The following SLC4A10 variants were observed in gnomAD, a reference collection of about 807,000 sequenced individuals.
The protein encoded by SLC4A10 is solute carrier family 4 member 10.
SLC4A10 carries 42 observed loss-of-function variants against 137.7 expected under a neutral mutation model. The observed-to-expected ratio is 0.30, with a 90% CI of 0.24 to 0.39. The LOEUF (loss-of-function observed/expected upper bound fraction) is 0.39. SLC4A10 is among the 10% of genes least tolerant of loss of function. The pLI, the probability that SLC4A10 is intolerant of heterozygous loss-of-function variation, is 1.00. For synonymous variants in SLC4A10, 474 were observed against 464.1 expected, an observed-to-expected ratio of 1.02 and a Z score of -0.27; for missense variants, 925 against 1,355.0, an observed-to-expected ratio of 0.68 and a Z score of 4.98.
chr2:161,764,838 T>C (rs995479856), intron 1 of SLC4A10, among the ~76,000 whole-genome samples: 1 of 152,120 alleles, frequency 6.6e-6, no homozygotes, highest in African/African-American at 2.4e-5. Context: ...ATTTGCTTAG[T>C]AAAATGTAAC....
Position 161,854,961 on chromosome 2 carries a change from T to G in SLC4A10, c.417-9T>G, listed in dbSNP as rs1389295739. 1 of 1,608,248 alleles carries G rather than the reference T, an allele frequency of 6.2e-7. No individual in the cohort carries two copies. Among genetic ancestry groups the G allele is most frequent in the Non-Finnish European group, 8.5e-7 (1 of 1,177,460 alleles). On this transcript the variant is annotated splice_polypyrimidine_tract_variant and intron_variant, in intron 4 of 26. Transcript: ENST00000446997. The stretch of plus-strand genomic sequence containing the variant: ...ATATAAACTGTGCTGATAATATTTG[T>G]TTGTATAGGTGGTTGAAGTTTGAAG...
rs143757968 is a variant in SLC4A10 at position 161,875,148 on chromosome 2, G to T, written c.948+1143G>T. Among the ~76,000 whole-genome samples, 62 of 152,266 alleles carry T rather than the reference G, an allele frequency of 4.1e-4. 2 individuals are homozygous for T. In the East Asian group the frequency reaches 0.012, roughly 29 times the overall value. Reference sequence around the variant, plus strand: ...ACTAAGTAAGATTTTTTACTTTAAAGTCTGAGAGGGCAGAAAAGTAGAGTT... The same window carrying T: ...ACTAAGTAAGATTTTTTACTTTAAATTCTGAGAGGGCAGAAAAGTAGAGTT... On this transcript the variant is annotated intron_variant, in intron 8 of 26. Transcript: ENST00000446997.
intron 1 of SLC4A10, among the ~76,000 whole-genome samples, chr2:161,682,339 T>C (rs551161047): frequency 4.6e-4 from 70 of 152,184 alleles, no homozygotes; most frequent in Non-Finnish European, 7.8e-4. Flanking sequence ...TTGGTTCCAG[T>C]GTGTCATCAA....
chr2:161,644,730 T>C (rs2035792945), intron 1 of SLC4A10, among the ~76,000 whole-genome samples: 2 of 152,198 alleles, frequency 1.3e-5, no homozygotes. Flanking sequence ...ACCTTTGAAA[T>C]AGTGTTTATG....
At chr2:161,800,239 G>T (rs184434024) in intron 2 of SLC4A10, among the ~76,000 whole-genome samples, 122 of 152,140 alleles carry the variant, frequency 8.0e-4, no homozygotes, top group Middle Eastern at 3.4e-3. Context: ...ATGAATTTTA[G>T]CAGTTTTAGT....
intron 1 of SLC4A10, among the ~76,000 whole-genome samples, chr2:161,633,458 A>C (rs1558906684): frequency 6.6e-6 from 1 of 151,686 alleles, no homozygotes; most frequent in Non-Finnish European, 1.5e-5. Flanking sequence ...GAAAATTCTA[A>C]AAGTTTCAGT....
chr2:161,904,283 T>C (rs1475921369), intron 13 of SLC4A10, 105 bp downstream of exon 13: 2 of 1,234,330 alleles, frequency 1.6e-6, no homozygotes. Flanking sequence ...AGGAGAGATT[T>C]GAGATATGGT....
At chr2:161,963,305 G>A (rs999441502) in intron 21 of SLC4A10, among the ~76,000 whole-genome samples, 5 of 152,022 alleles carry the variant, frequency 3.3e-5, no homozygotes, top group African/African-American at 9.7e-5. Context: ...ATAGTGTTAT[G>A]TAATACTATG....
chr2:161,845,654 T>G (rs550400645), intron 4 of SLC4A10, among the ~76,000 whole-genome samples: 1 of 152,050 alleles, frequency 6.6e-6, no homozygotes, highest in East Asian at 1.9e-4. Context: ...TGGAACGGAA[T>G]AGAGAACTAA....
intron 10 of SLC4A10, 47 bp from the exon 11 acceptor site, chr2:161,894,632 T>A: frequency 9.5e-7 from 1 of 1,056,138 alleles, no homozygotes; most frequent in East Asian, 3.4e-5. Context: ...CATTAATATT[T>A]TATAATTATT....
At chr2:161,906,321 C>T (rs901804647) in intron 15 of SLC4A10, among the ~76,000 whole-genome samples, 3 of 152,138 alleles carry the variant, frequency 2.0e-5, no homozygotes, top group African/African-American at 7.2e-5. Context: ...GGGTCTAAAT[C>T]TTAGTAGATG....
chr2:161,911,199 T>C (rs955825006), intron 15 of SLC4A10, among the ~76,000 whole-genome samples: 10 of 152,016 alleles, frequency 6.6e-5, no homozygotes. Flanking sequence ...AAGAAAATAG[T>C]GCTTGTTTAC....
chr2:161,873,308 A>T (rs765337555), intron 7 of SLC4A10, among the ~76,000 whole-genome samples: 2 of 152,160 alleles, frequency 1.3e-5, no homozygotes, highest in African/African-American at 2.4e-5. Flanking sequence ...GATTTTGATT[A>T]GCAAATTCCT....
chr2:161,792,642 G>A (rs768853495), intron 2 of SLC4A10, among the ~76,000 whole-genome samples: 1 of 152,124 alleles, frequency 6.6e-6, no homozygotes, highest in South Asian at 2.1e-4. Flanking sequence ...ACAGGTTATC[G>A]CCTTTCTATA....
intron 1 of SLC4A10, among the ~76,000 whole-genome samples, chr2:161,659,796 T>C (rs2038052921): frequency 6.6e-6 from 1 of 152,188 alleles, no homozygotes; most frequent in Non-Finnish European, 1.5e-5. Flanking sequence ...TGCAGCATAT[T>C]CATATAGTGG....
intron 3 of SLC4A10, among the ~76,000 whole-genome samples, chr2:161,835,883 T>C (rs1426463014): frequency 6.6e-6 from 1 of 152,176 alleles, no homozygotes; most frequent in African/African-American, 2.4e-5. Context: ...TTTATTCAGT[T>C]TGTTGGGTTC....
intron 7 of SLC4A10, 130 bp downstream of exon 7, chr2:161,872,514 A>G: frequency 1.7e-6 from 1 of 605,422 alleles, no homozygotes; most frequent in East Asian, 2.8e-5. Context: ...ATATTGTTAC[A>G]GAAAATGTTA....
intron 15 of SLC4A10, among the ~76,000 whole-genome samples, chr2:161,935,178 C>T (rs764728862): frequency 5.9e-5 from 9 of 152,218 alleles, no homozygotes; most frequent in East Asian, 1.9e-4. Context: ...GCATCTTTGT[C>T]GAAAATCATT....
intron 1 of SLC4A10, among the ~76,000 whole-genome samples, chr2:161,760,331 G>A (rs946967357): frequency 1.3e-5 from 2 of 151,760 alleles, no homozygotes; most frequent in Admixed American, 1.3e-4. Context: ...CCAGTTAACT[G>A]TTTTGCCCAT....
Sources: gnomAD v4.1 joint callset for allele counts (sites outside exome capture counted in the v4.1 genomes callset) on GRCh38, gnomAD v4.1.1 for gene constraint, MANE v1.5 for transcripts, NCBI Gene and HGNC (gene_info 2026-07-23, HGNC 2026-07-21) for gene names.